CRPPA: variants seen among roughly 807,000 people sequenced by gnomAD.
CRPPA encodes the protein CDP-L-ribitol pyrophosphorylase A.
In CRPPA, 43 loss-of-function variants were observed where a neutral mutation model predicts 52.0. The observed-to-expected ratio is 0.83, with a 90% CI of 0.65 to 1.07. The LOEUF (loss-of-function observed/expected upper bound fraction) is 1.07. Among genes scored for constraint, CRPPA ranks in the 50% least tolerant of loss-of-function variants. CRPPA has a pLI of 0.00. For synonymous variants in CRPPA, 250 were observed against 203.5 expected, an observed-to-expected ratio of 1.23 and a Z score of -1.94; for missense variants, 629 against 551.7, an observed-to-expected ratio of 1.14 and a Z score of -1.40.
At chr7:16,351,077 A>G (rs995240471) in intron 3 of CRPPA, among the ~76,000 whole-genome samples, 1 of 152,160 alleles carries the variant, frequency 6.6e-6, no homozygotes, top group Non-Finnish European at 1.5e-5. Context: ...GGCACCCAAT[A>G]TCAGAGCATC....
rs1174251986 is a variant in CRPPA at position 16,134,323 on chromosome 7, C to G, written c.1252-42524G>C. On this transcript the variant is annotated intron_variant, in intron 9 of 9. Transcript: ENST00000407010. The stretch of plus-strand genomic sequence containing the variant: ...AGCATACAGCAGGGGTCTGCAACCC[C>G]CAGGCTACAGACCACTACCAGCCCA... 3.2e-5 allele frequency among the ~76,000 whole-genome samples: 4 copies of G among 123,818 alleles called. 1 individual carries two copies. The East Asian group carries it at 1.4e-3, about 43-fold the overall frequency. 81.2% of individuals were successfully genotyped at this position (123,818 alleles called of 152,430 possible).
intron 2 of CRPPA, among the ~76,000 whole-genome samples, chr7:16,378,539 T>C (rs1030567403): frequency 7.9e-5 from 12 of 152,066 alleles, no homozygotes. Flanking sequence ...GTTCCAAGTA[T>C]TTGCTATTGT....
intron 3 of CRPPA, among the ~76,000 whole-genome samples, chr7:16,315,116 G>A (rs745438345): frequency 1.3e-5 from 2 of 152,070 alleles, no homozygotes; most frequent in Non-Finnish European, 2.9e-5. Flanking sequence ...ATATACTCAA[G>A]CTGAGATAGT....
At chr7:16,395,278 A>T (rs1787541283) in intron 2 of CRPPA, among the ~76,000 whole-genome samples, 1 of 152,208 alleles carries the variant, frequency 6.6e-6, no homozygotes, top group African/African-American at 2.4e-5. Flanking sequence ...AATGTGGAAT[A>T]ATAAACCCCA....
chr7:16,226,577 A>G (rs957508272), intron 8 of CRPPA, among the ~76,000 whole-genome samples: 11 of 151,940 alleles, frequency 7.2e-5, no homozygotes, highest in African/African-American at 2.4e-4. Flanking sequence ...ATTCAAATTT[A>G]TTAGTATTAA....
chr7:16,087,815 G>C lies in CRPPA; in HGVS notation c.*3880C>G, dbSNP rs1781728170. 6.6e-6 allele frequency: 1 copy of C among 151,840 alleles called. No individual in the cohort carries two copies. Among genetic ancestry groups the C allele is most frequent in the Admixed American group, 6.6e-5 (1 of 15,230 alleles). 9.4% of individuals were successfully genotyped at this position (151,840 alleles called of 1,614,324 possible). On this transcript the variant is annotated 3_prime_UTR_variant, in exon 10 of 10. Transcript: ENST00000407010. ...CTAAATAACTTCTATCTTTCTTCTTGCATATGGTTGACATTTTAATTAAGA... is the reference window on the plus strand; with the variant it reads ...CTAAATAACTTCTATCTTTCTTCTTCCATATGGTTGACATTTTAATTAAGA...
intron 8 of CRPPA, among the ~76,000 whole-genome samples, chr7:16,254,841 GAAAGAGAAAGAAGA>G: frequency 2.0e-5 from 3 of 147,758 alleles, no homozygotes; most frequent in Non-Finnish European, 4.5e-5. Flanking sequence ...AAGAAAGAAA[GAAAGAGAAAGAAGA>G]AAGAAAGAAA....
intron 2 of CRPPA, among the ~76,000 whole-genome samples, chr7:16,400,737 G>A (rs1175647149): frequency 6.6e-6 from 1 of 152,196 alleles, no homozygotes; most frequent in Non-Finnish European, 1.5e-5. Flanking sequence ...ACCAACACCT[G>A]TGACGTGGCA....
At chr7:16,402,240 G>T (rs6960236) in intron 2 of CRPPA, among the ~76,000 whole-genome samples, 15,849 of 152,176 alleles carry the variant, frequency 0.1, 1,016 homozygotes, top group East Asian at 0.25. Context: ...ACAACAGTAA[G>T]CTTGGTTTCA....
chr7:16,418,465 G>A (rs1788247045), intron 1 of CRPPA, among the ~76,000 whole-genome samples: 1 of 152,170 alleles, frequency 6.6e-6, no homozygotes, highest in Non-Finnish European at 1.5e-5. Context: ...AACTGCCCAA[G>A]ATTAAGTAAT....
chr7:16,286,108 A>C, intron 5 of CRPPA, among the ~76,000 whole-genome samples: 1 of 117,524 alleles, frequency 8.5e-6, no homozygotes, highest in African/African-American at 3.4e-5. Flanking sequence ...ATATATATAT[A>C]TATATATATG....
intron 9 of CRPPA, among the ~76,000 whole-genome samples, chr7:16,196,472 T>C (rs1781738021): frequency 1.3e-5 from 2 of 152,030 alleles, no homozygotes; most frequent in African/African-American, 4.8e-5. Flanking sequence ...GTGAAGAAAA[T>C]AAAATATACA....
intron 9 of CRPPA, among the ~76,000 whole-genome samples, chr7:16,126,372 C>T (rs1782581637): frequency 6.6e-6 from 1 of 152,106 alleles, no homozygotes; most frequent in African/African-American, 2.4e-5. Context: ...TATCAGGATG[C>T]AAGGCCCAAA....
intron 2 of CRPPA, among the ~76,000 whole-genome samples, chr7:16,380,303 C>T (rs964049909): frequency 4.6e-5 from 7 of 151,132 alleles, no homozygotes; most frequent in Admixed American, 1.3e-4. Context: ...TATTGATTTG[C>T]GTATATTGAA....
At chr7:16,165,081 C>G (rs1163733546) in intron 9 of CRPPA, among the ~76,000 whole-genome samples, 2 of 152,118 alleles carry the variant, frequency 1.3e-5, no homozygotes, top group African/African-American at 4.8e-5. Context: ...ACGTTTAAGT[C>G]TGCTAAGGTG....
At chr7:16,221,741 A>G (rs1320655219) in intron 8 of CRPPA, among the ~76,000 whole-genome samples, 3 of 151,946 alleles carry the variant, frequency 2.0e-5, no homozygotes, top group East Asian at 3.9e-4. Context: ...CAAAACCACA[A>G]TGAGATACCA....
At chr7:16,244,306 G>A (rs1244245225) in intron 8 of CRPPA, among the ~76,000 whole-genome samples, 2 of 152,068 alleles carry the variant, frequency 1.3e-5, no homozygotes, top group African/African-American at 2.4e-5. Flanking sequence ...TCTTCATGTA[G>A]TCAAGATCTC....
At chr7:16,160,657 G>A (rs1583398853) in intron 9 of CRPPA, among the ~76,000 whole-genome samples, 1 of 152,064 alleles carries the variant, frequency 6.6e-6, no homozygotes, top group Non-Finnish European at 1.5e-5. Context: ...GCTCTTTTTT[G>A]GTTCAATATG....
intron 8 of CRPPA, among the ~76,000 whole-genome samples, chr7:16,232,973 CTG>C (rs1782847196): frequency 6.6e-6 from 1 of 152,018 alleles, no homozygotes; most frequent in Admixed American, 6.6e-5. Context: ...ATAGGAAAGA[CTG>C]AACATATTAA....
Sources: allele counts gnomAD v4.1 joint callset (sites outside exome capture counted in the v4.1 genomes callset), GRCh38; gene constraint gnomAD v4.1.1; transcripts MANE v1.5; gene names NCBI Gene and HGNC (gene_info 2026-07-23, HGNC 2026-07-21).